The following CD247 variants were observed in gnomAD, a reference collection of about 807,000 sequenced individuals.
CD247 encodes the protein CD247 molecule.
CD247 carries 13 observed loss-of-function variants against 30.0 expected under a neutral mutation model. The ratio of observed to expected loss-of-function variants is 0.43; its 90% CI spans 0.28 to 0.69. The LOEUF (loss-of-function observed/expected upper bound fraction) is 0.69. Ranked by LOEUF, CD247 falls within the 30% of genes least tolerant of loss-of-function variation. The pLI, the probability that CD247 is intolerant of heterozygous loss-of-function variation, is 0.16. For missense variants in CD247, 193 were observed against 212.6 expected (o/e 0.91, Z 0.57); for synonymous variants, 72 against 80.0 (o/e 0.90, Z 0.53).
intron 1 of CD247, among the ~76,000 whole-genome samples, chr1:167,498,478 T>C (rs1223548532): frequency 1.3e-5 from 2 of 152,234 alleles, no homozygotes; most frequent in South Asian, 2.1e-4. Flanking sequence ...CCCTCCTCCA[T>C]GGAGATGCCT....
At chr1:167,460,696 C>T (rs967158384) in intron 1 of CD247, among the ~76,000 whole-genome samples, 3 of 152,142 alleles carry the variant, frequency 2.0e-5, no homozygotes, top group Non-Finnish European at 4.4e-5. Flanking sequence ...CCTATCAAGT[C>T]GTCATTTACA....
At chr1:167,455,836 G>A (rs993231075) in intron 1 of CD247, among the ~76,000 whole-genome samples, 1 of 152,218 alleles carries the variant, frequency 6.6e-6, no homozygotes, top group Non-Finnish European at 1.5e-5. Context: ...GGCAAGGAGA[G>A]GGACCCGGCC....
intron 1 of CD247, among the ~76,000 whole-genome samples, chr1:167,500,804 C>T (rs1243388946): frequency 1.3e-5 from 2 of 152,196 alleles, no homozygotes; most frequent in Non-Finnish European, 2.9e-5. Flanking sequence ...GGTTATCGGC[C>T]TTGAGGATAC....
At chr1:167,489,175 T>A (rs1371159467) in intron 1 of CD247, among the ~76,000 whole-genome samples, 1 of 151,882 alleles carries the variant, frequency 6.6e-6, no homozygotes, top group Non-Finnish European at 1.5e-5. Flanking sequence ...TAAAGGAGAG[T>A]TCCTAGAAGG....
At chr1:167,506,339 T>C (rs1181323685) in intron 1 of CD247, among the ~76,000 whole-genome samples, 1 of 148,370 alleles carries the variant, frequency 6.7e-6, no homozygotes, top group Non-Finnish European at 1.5e-5. Flanking sequence ...TTCTTTCTCC[T>C]CTCCCTCCCC....
chr1:167,518,118 G>A (rs545751847), intron 1 of CD247, among the ~76,000 whole-genome samples: 108 of 152,166 alleles, frequency 7.1e-4, no homozygotes, highest in Admixed American at 2.7e-3. Flanking sequence ...GGCCTGCCTC[G>A]GTTGCTCTCT....
At chr1:167,487,944 G>A (rs1654283691) in intron 1 of CD247, among the ~76,000 whole-genome samples, 1 of 152,166 alleles carries the variant, frequency 6.6e-6, no homozygotes, top group Admixed American at 6.5e-5. Flanking sequence ...TCACTATGTT[G>A]CCCAGGTCAG....
chr1:167,485,984 G>C (rs975308798), intron 1 of CD247, among the ~76,000 whole-genome samples: 3 of 151,968 alleles, frequency 2.0e-5, no homozygotes, highest in Non-Finnish European at 4.4e-5. Flanking sequence ...GTCATTGTGG[G>C]CCGCCTTCCA....
At chr1:167,451,349 C>A (rs1452948709) in intron 1 of CD247, among the ~76,000 whole-genome samples, 1 of 152,178 alleles carries the variant, frequency 6.6e-6, no homozygotes, top group Non-Finnish European at 1.5e-5. Flanking sequence ...TGGAACAAGG[C>A]AAGGTTCACA....
intron 4 of CD247, 50 bp downstream of exon 4, chr1:167,438,520 G>A (rs759404554): frequency 1.4e-5 from 20 of 1,442,226 alleles, no homozygotes; most frequent in African/African-American, 2.8e-5. Flanking sequence ...AGCCTGGGCT[G>A]AGCCCCACCA....
At chr1:167,472,576 C>T (rs979228822) in intron 1 of CD247, among the ~76,000 whole-genome samples, 2 of 151,588 alleles carry the variant, frequency 1.3e-5, no homozygotes, top group Admixed American at 1.3e-4. Flanking sequence ...AACAACGAAG[C>T]GAAGAATTCT....
chr1:167,454,787 C>CT (rs140454311), intron 1 of CD247, among the ~76,000 whole-genome samples: 169 of 152,308 alleles, frequency 1.1e-3, no homozygotes, highest in African/African-American at 4.0e-3. Context: ...CCCTCTGGGC[C>CT]TTGGGAGCTC....
intron 1 of CD247, among the ~76,000 whole-genome samples, chr1:167,516,087 C>T (rs1484938045): frequency 6.6e-6 from 1 of 152,250 alleles, no homozygotes; most frequent in Non-Finnish European, 1.5e-5. Flanking sequence ...CTACCACGTC[C>T]AGCCACCTTC....
intron 1 of CD247, among the ~76,000 whole-genome samples, chr1:167,488,460 A>G (rs1654306574): frequency 6.6e-6 from 1 of 152,180 alleles, no homozygotes; most frequent in Admixed American, 6.5e-5. Context: ...GAAAATTCCC[A>G]AAAAGAGTGA....
intron 1 of CD247, among the ~76,000 whole-genome samples, chr1:167,444,352 C>T (rs752534489): frequency 2.6e-5 from 4 of 152,182 alleles, no homozygotes; most frequent in East Asian, 1.9e-4. Flanking sequence ...CTTCCCTGTG[C>T]GCGCTCCTGT....
chr1:167,467,942 CTT>C (rs1653333526), intron 1 of CD247, among the ~76,000 whole-genome samples: 1 of 152,134 alleles, frequency 6.6e-6, no homozygotes, highest in South Asian at 2.1e-4. Flanking sequence ...TCATAATTGA[CTT>C]TTAAATCATT....
chr1:167,439,241 CT>C lies in CD247; in HGVS notation c.219+102del. On this transcript the variant is annotated intron_variant, in intron 3 of 7. Coordinates refer to ENST00000362089, the MANE Select transcript of CD247 (RefSeq NM_198053.3). ...TGCAGCCGGGTCGCAGAGGTGATAG[CT>C]AGGGACCAAACCTAAACCCAAGACT... The C allele has an allele frequency of 3.8e-6, 4 of 1,044,002 alleles. No individual in the cohort carries two copies. In the Admixed American group the frequency reaches 6.8e-5, roughly 18 times the overall value. 64.7% of individuals were successfully genotyped at this position (1,044,002 alleles called of 1,614,324 possible).
chr1:167,463,567 T>A (rs186810687), intron 1 of CD247, among the ~76,000 whole-genome samples: 1 of 152,346 alleles, frequency 6.6e-6, no homozygotes, highest in Admixed American at 6.5e-5. Context: ...GTAACTTGCA[T>A]CTCCTTTCTC....
Position 167,433,017 on chromosome 1 carries a change from C to T in CD247, c.429+7G>A. ...CCTTCCACTGAAGGGACGCCGGCAGCTCCTACCTGGTAAAGGCCATCGTGC... is the reference window on the plus strand; with the variant it reads ...CCTTCCACTGAAGGGACGCCGGCAGTTCCTACCTGGTAAAGGCCATCGTGC... On this transcript the variant is annotated splice_region_variant and intron_variant, in intron 7 of 7. Coordinates refer to ENST00000362089, the MANE Select transcript of CD247 (RefSeq NM_198053.3). 1 of 1,614,186 alleles carries T rather than the reference C, an allele frequency of 6.2e-7. No individual in the cohort carries two copies. The highest frequency in any genetic ancestry group is 8.5e-7 in the Non-Finnish European group (1 of 1,179,964).
Sources: allele counts gnomAD v4.1 joint callset (sites outside exome capture counted in the v4.1 genomes callset), GRCh38; gene constraint gnomAD v4.1.1; transcripts MANE v1.5; gene names NCBI Gene and HGNC (gene_info 2026-07-23, HGNC 2026-07-21).